The following DMAC2 variants were observed in gnomAD, a reference collection of about 807,000 sequenced individuals.
The protein encoded by DMAC2 is distal membrane-arm assembly complex protein 2.
DMAC2 carries 32 observed loss-of-function variants against 29.6 expected under a neutral mutation model. The observed-to-expected ratio is 1.08, with a 90% confidence interval of 0.81 to 1.45. DMAC2 has a LOEUF of 1.45. Among genes scored for constraint, DMAC2 ranks in the 40% most tolerant of loss-of-function variants. The pLI, the probability that DMAC2 is intolerant of heterozygous loss-of-function variation, is 0.00. For missense variants in DMAC2, 319 were observed against 340.0 expected (o/e 0.94, Z 0.49); for synonymous variants, 133 against 137.4 (o/e 0.97, Z 0.23).
chr19:41,439,622 G>C, intron 1 of DMAC2: 1 of 1,469,052 alleles, frequency 6.8e-7, no homozygotes, highest in Non-Finnish European at 9.1e-7. Context: ...CTCTTCGGCA[G>C]CCACTCCCTC....
At chr19:41,435,876 T>A (rs1386780103) in intron 3 of DMAC2, among the ~76,000 whole-genome samples, 1 of 151,818 alleles carries the variant, frequency 6.6e-6, no homozygotes, top group Non-Finnish European at 1.5e-5. Flanking sequence ...AGTCTTTTTT[T>A]TTTTTTTTGA....
chr19:41,437,166 G>A (rs567270287), intron 2 of DMAC2, among the ~76,000 whole-genome samples: 10 of 152,252 alleles, frequency 6.6e-5, no homozygotes, highest in Non-Finnish European at 1.3e-4. Flanking sequence ...TTGGAAGGCC[G>A]AGGCAGGTGG....
intron 5 of DMAC2, chr19:41,432,778 G>T: frequency 4.0e-6 from 1 of 249,442 alleles, no homozygotes. Context: ...GTACAGGACA[G>T]CGTGCGTGTG....
chr19:41,435,982 T>C (rs2039841907), intron 3 of DMAC2, among the ~76,000 whole-genome samples: 1 of 151,948 alleles, frequency 6.6e-6, no homozygotes, highest in Non-Finnish European at 1.5e-5. Flanking sequence ...TTCATGCGAT[T>C]CTCCTGCCTC....
At chr19:41,432,647 G>A in intron 5 of DMAC2, 4 of 373,324 alleles carry the variant, frequency 1.1e-5, no homozygotes, top group African/African-American at 4.0e-5. Context: ...GGGAGGTACA[G>A]GACAGCGTGT....
Position 41,431,963 on chromosome 19 carries a change from G to A in DMAC2, c.*268C>T. The A allele has an allele frequency of 1.9e-6, 1 of 529,416 alleles. No homozygotes were observed. The highest frequency in any genetic ancestry group is 3.4e-6 in the Non-Finnish European group (1 of 293,916). 32.8% of individuals were successfully genotyped at this position (529,416 alleles called of 1,614,324 possible). On this transcript the variant is annotated 3_prime_UTR_variant, in exon 6 of 6. Transcript: ENST00000221943. ...CCTGACAAGGTGAGTGTGGCTCTCT[G>A]CGGCTACTAACAGCCTGAGCCTTTA... is the stretch of plus-strand genomic sequence containing the variant.
rs782343567 is a variant in DMAC2, at chr19:41,431,346, A to C, written c.*885T>G. The C allele has an allele frequency of 1.9e-6, 1 of 517,002 alleles. No homozygotes were observed. The highest frequency in any genetic ancestry group is 3.9e-6 in the Non-Finnish European group (1 of 258,336). 32.0% of individuals were successfully genotyped at this position (517,002 alleles called of 1,614,324 possible). ...CTTGAACAGGGAAAGTTTAATATAG[A>C]GAATTACTGGCTTTAACAGTGAACT... is the stretch of plus-strand genomic sequence containing the variant. On this transcript the variant is annotated 3_prime_UTR_variant, in exon 6 of 6. Coordinates refer to ENST00000221943, the MANE Select transcript of DMAC2 (RefSeq NM_018035.3).
At chr19:41,439,217 C>CT (rs75124807) in intron 1 of DMAC2, 6,197 of 370,258 alleles carry the variant, frequency 0.017, 37 homozygotes, top group African/African-American at 0.041. Flanking sequence ...TAACCAAATT[C>CT]TTTTTTTTTT....
chr19:41,433,516 TCTCCACCCCACC>T lies in DMAC2; in HGVS notation c.433+9_433+20del, dbSNP rs1555770172. 1 of 1,614,134 alleles carries T rather than the reference TCTCCACCCCACC, an allele frequency of 6.2e-7. No homozygotes were observed. Among genetic ancestry groups the T allele is most frequent in the East Asian group, 2.2e-5 (1 of 44,880 alleles). ...AGGGAAAACATAGAGGCCTGTCCCA[TCTCCACCCCACC>T]GCACTCACGGAGGTTATCCAGGCCC... On this transcript the variant is annotated intron_variant, in intron 4 of 5. Transcript: ENST00000221943.
intron 5 of DMAC2, 129 bp downstream of exon 5, chr19:41,433,143 C>G (rs1781727709): frequency 3.9e-6 from 4 of 1,014,320 alleles, no homozygotes; most frequent in Non-Finnish European, 5.6e-6. Flanking sequence ...CATAAATACT[C>G]TAGGTTTGTG....
rs1230626151 is a variant in DMAC2 at position 41,431,460 on chromosome 19, CCTCAGTGG to C, written c.*763_*770del. Reference sequence around the variant, plus strand: ...GGGGAACGTTATTCCCAGAGAGGTGCCTCAGTGGAGGCGCTGTGTCTCCTACGCAACTT... The same window carrying C: ...GGGGAACGTTATTCCCAGAGAGGTGCAGGCGCTGTGTCTCCTACGCAACTT... On this transcript the variant is annotated 3_prime_UTR_variant, in exon 6 of 6. Transcript: ENST00000221943. 2.3e-5 allele frequency: 9 copies of C among 385,106 alleles called. No homozygotes were observed. The highest frequency in any genetic ancestry group is 1.7e-4 in the African/African-American group (8 of 48,008). The allele number at this position is 385,106 out of a possible 1,614,324, so 23.9% of individuals were successfully genotyped here. A position where few individuals can be genotyped will look rare whatever the true frequency, so the allele number is the denominator to read the frequency against.
Position 41,432,161 on chromosome 19 carries a change from A to C in DMAC2, c.*70T>G. On this transcript the variant is annotated 3_prime_UTR_variant, in exon 6 of 6. Coordinates refer to ENST00000221943, the MANE Select transcript of DMAC2 (RefSeq NM_018035.3). ...TGAGTGAAGACAAATGGAAGCCAGA[A>C]GTGTGGTGAGCTACCAGACATTCCA... is the stretch of plus-strand genomic sequence containing the variant. 1 of 1,532,022 alleles carries C rather than the reference A, an allele frequency of 6.5e-7. No individual in the cohort carries two copies. Among genetic ancestry groups the C allele is most frequent in the Non-Finnish European group, 8.9e-7 (1 of 1,123,936 alleles). 94.9% of individuals were successfully genotyped at this position (1,532,022 alleles called of 1,614,324 possible).
Position 41,433,798 on chromosome 19 carries a change from TAGAAA to T in DMAC2, c.297-130_297-126del, listed in dbSNP as rs1555770373. On this transcript the variant is annotated intron_variant, in intron 3 of 5. Transcript: ENST00000221943. ...ACCCTTGACATAACTAATTCCATCT[TAGAAA>T]AAGACTCCATCTGGCTGTGCGCAGT... The T allele has an allele frequency of 1.4e-3, 1,874 of 1,337,588 alleles. 29 individuals carry two copies. In the African/African-American group the frequency reaches 0.025, roughly 18 times the overall value. The allele number at this position is 1,337,588 out of a possible 1,614,324, so 82.9% of individuals were successfully genotyped here.
intron 3 of DMAC2, among the ~76,000 whole-genome samples, chr19:41,434,848 T>TA (rs1389322026): frequency 6.6e-6 from 1 of 151,322 alleles, no homozygotes. Flanking sequence ...CTACCAAAAA[T>TA]AAAAAAAATT....
intron 5 of DMAC2, 183 bp downstream of exon 5, chr19:41,433,089 A>T: frequency 1.5e-6 from 1 of 658,966 alleles, no homozygotes. Context: ...GAAAACCAGG[A>T]GTCATTTAAT....
intron 3 of DMAC2, among the ~76,000 whole-genome samples, chr19:41,435,870 T>G (rs1382581844): frequency 7.2e-6 from 1 of 139,434 alleles, no homozygotes; most frequent in Non-Finnish European, 1.6e-5. Context: ...CCGTTCAGTC[T>G]TTTTTTTTTT....
intron 1 of DMAC2, chr19:41,439,658 G>C (rs1346521637): frequency 2.0e-5 from 27 of 1,355,446 alleles, no homozygotes; most frequent in Non-Finnish European, 2.4e-5. Flanking sequence ...TCTCAGCCAA[G>C]TCCCTGCCTC....
At chr19:41,432,896 G>A (rs549279866) in intron 5 of DMAC2, 75 of 527,096 alleles carry the variant, frequency 1.4e-4, no homozygotes, top group Admixed American at 5.4e-4. Context: ...GCGTGCATGC[G>A]TGCATGTGTG....
chr19:41,432,653 CGTGTGTGT>C (rs782279895), intron 5 of DMAC2: 15 of 220,708 alleles, frequency 6.8e-5, no homozygotes, highest in Non-Finnish European at 1.2e-4. Flanking sequence ...TACAGGACAG[CGTGTGTGT>C]GTGTGTGTGT....
Sources: gnomAD v4.1 joint callset for allele counts (sites outside exome capture counted in the v4.1 genomes callset) on GRCh38, gnomAD v4.1.1 for gene constraint, MANE v1.5 for transcripts, NCBI Gene and HGNC (gene_info 2026-07-23, HGNC 2026-07-21) for gene names.